SLC39A10: variants seen among roughly 807,000 people sequenced by gnomAD.
SLC39A10 encodes the protein solute carrier family 39 member 10.
In SLC39A10, 13 loss-of-function variants were observed where a neutral mutation model predicts 65.1. The ratio of observed to expected loss-of-function variants is 0.20; its 90% CI spans 0.13 to 0.32. The LOEUF (loss-of-function observed/expected upper bound fraction) is 0.32, where lower values mean the gene tolerates loss of function less well. Ranked by LOEUF, SLC39A10 falls within the 10% of genes least tolerant of loss-of-function variation. The pLI is 1.00. For synonymous variants in SLC39A10, 321 were observed against 342.2 expected (o/e 0.94, Z 0.68); for missense variants, 831 against 1,018.4 (o/e 0.82, Z 2.50).
chr2:195,627,277 C>T (rs568458525), intron 2 of SLC39A10, among the ~76,000 whole-genome samples: 41 of 152,134 alleles, frequency 2.7e-4, no homozygotes, highest in African/African-American at 8.9e-4. Flanking sequence ...ACACCCCCAC[C>T]CCGCGCCCAA....
At chr2:195,631,213 G>T (rs1305442869) in intron 2 of SLC39A10, among the ~76,000 whole-genome samples, 2 of 151,304 alleles carry the variant, frequency 1.3e-5, no homozygotes, top group South Asian at 2.1e-4. Flanking sequence ...TATATATATA[G>T]AGATATATAT....
At chr2:195,630,465 A>C (rs1688564042) in intron 2 of SLC39A10, among the ~76,000 whole-genome samples, 1 of 152,156 alleles carries the variant, frequency 6.6e-6, no homozygotes, top group African/African-American at 2.4e-5. Flanking sequence ...TTGGTTTTTC[A>C]GAGAAGCTTC....
intron 3 of SLC39A10, among the ~76,000 whole-genome samples, chr2:195,693,074 C>G (rs1690804662): frequency 6.6e-6 from 1 of 152,092 alleles, no homozygotes; most frequent in South Asian, 2.1e-4. Context: ...CTGCATCTAT[C>G]AAGATGATCT....
chr2:195,619,114 A>AAAAAAAAGAG (rs1553490931), intron 2 of SLC39A10, among the ~76,000 whole-genome samples: 1 of 131,926 alleles, frequency 7.6e-6, no homozygotes, highest in African/African-American at 3.2e-5. Context: ...AAAAAAAAAA[A>AAAAAAAAGAG]AGAGAGAGAG....
In SLC39A10 at chr2:195,735,259, A is replaced by G; in HGVS notation, c.*218A>G. Reference sequence around the variant, plus strand: ...ATAAAGCTTGTGATAAAGAGAGGAGAATATGGGACTCCATGAACCAGTGTT... The same window carrying G: ...ATAAAGCTTGTGATAAAGAGAGGAGGATATGGGACTCCATGAACCAGTGTT... On this transcript the variant is annotated 3_prime_UTR_variant, in exon 10 of 10. Transcript: ENST00000359634. 2.6e-6 allele frequency: 1 copy of G among 381,828 alleles called. No individual in the cohort carries two copies. Among genetic ancestry groups the G allele is most frequent in the East Asian group, 4.1e-5 (1 of 24,272 alleles). 23.7% of individuals were successfully genotyped at this position (381,828 alleles called of 1,614,324 possible).
chr2:195,696,335 A>AAC (rs1553503250), intron 3 of SLC39A10, among the ~76,000 whole-genome samples: 1 of 137,686 alleles, frequency 7.3e-6, no homozygotes, highest in Non-Finnish European at 1.6e-5. Context: ...AAAAAAAAAA[A>AAC]CCTATCATTA....
At chr2:195,619,344 T>C (rs1688299770) in intron 2 of SLC39A10, among the ~76,000 whole-genome samples, 1 of 152,210 alleles carries the variant, frequency 6.6e-6, no homozygotes, top group Non-Finnish European at 1.5e-5. Flanking sequence ...ATAAAATTGA[T>C]TGACCTTTCT....
At chr2:195,732,477 T>C (rs1692460428) in intron 9 of SLC39A10, among the ~76,000 whole-genome samples, 1 of 152,244 alleles carries the variant, frequency 6.6e-6, no homozygotes, top group Non-Finnish European at 1.5e-5. Flanking sequence ...GCTGTGGTTA[T>C]GACAAACAGT....
At chr2:195,688,837 A>G (rs950051548) in intron 3 of SLC39A10, among the ~76,000 whole-genome samples, 1 of 152,112 alleles carries the variant, frequency 6.6e-6, no homozygotes, top group Non-Finnish European at 1.5e-5. Context: ...ATATTCCGAT[A>G]ATTTTATGTA....
At chr2:195,618,798 G>C (rs1688283349) in intron 2 of SLC39A10, among the ~76,000 whole-genome samples, 1 of 151,956 alleles carries the variant, frequency 6.6e-6, no homozygotes, top group African/African-American at 2.4e-5. Context: ...CATGTGTTAA[G>C]AGAAAGGAAA....
At position 195,626,874 on chromosome 2, in the gene SLC39A10, C is replaced by T. The variant is rs80056845; in HGVS notation, c.-12+20641C>T. On this transcript the variant is annotated intron_variant, in intron 2 of 2. Transcript: ENST00000458054. Reference sequence around the variant, plus strand: ...TAGAGTTCCTCATCTGTATCCCAGGCTTACAGACTGGCTGGCAAGTTTTAT... The same window carrying T: ...TAGAGTTCCTCATCTGTATCCCAGGTTTACAGACTGGCTGGCAAGTTTTAT... Among the ~76,000 whole-genome samples the T allele has an allele frequency of 0.018, 2,815 of 152,260 alleles. 239 individuals are homozygous for T. In the East Asian group the frequency reaches 0.26, roughly 14 times the overall value.
Position 195,680,611 on chromosome 2 carries a change from A to G in SLC39A10, c.569A>G (p.His190Arg), listed in dbSNP as rs756998159. The change falls in exon 2 of 10, where the codon CAT becomes CGT. Residue 190 changes from histidine (H) to arginine (R), a missense_variant. Physicochemically the swap from His to Arg is conservative, Grantham distance 29. Transcript: ENST00000359634. ...HHHRLHHHLD[H>R]NNTHHFHNDS... ...CATCGTTTGCATCATCATCTTGATCATAACAACACTCACCATTTTCATAAT... is the reference window on the plus strand; with the variant it reads ...CATCGTTTGCATCATCATCTTGATCGTAACAACACTCACCATTTTCATAAT... The G allele has an allele frequency of 6.8e-6, 11 of 1,614,088 alleles. No individual in the cohort carries two copies. The African/African-American group carries it at 9.3e-5, about 14-fold the overall frequency.
chr2:195,619,313 T>C lies in SLC39A10; in HGVS notation c.-12+13080T>C, dbSNP rs372984109. On this transcript the variant is annotated intron_variant, in intron 2 of 2. Transcript: ENST00000458054. ...GCAGGACTTGGAAACCAATTAGCTA[T>C]AGGTAGTAAAAGAGAATGTAATAAA... 3.3e-5 allele frequency among the ~76,000 whole-genome samples: 5 copies of C among 152,218 alleles called. No homozygotes were observed. The South Asian group carries it at 8.3e-4, about 25-fold the overall frequency.
Position 195,708,663 on chromosome 2 carries a change from G to T in SLC39A10, c.1394G>T (p.Gly465Val), listed in dbSNP as rs1440422266. The T allele has an allele frequency of 1.3e-6, 2 of 1,592,894 alleles. No homozygotes were observed. Among genetic ancestry groups the T allele is most frequent in the Non-Finnish European group, 1.7e-6 (2 of 1,171,658 alleles). The change falls in exon 5 of 10, where the codon GGT becomes GTT. Residue 465 changes from glycine (G) to valine (V), a missense_variant. By Grantham distance (109) the Gly-to-Val change is moderately radical (BLOSUM62 -3). Coordinates refer to ENST00000359634, the MANE Select transcript of SLC39A10 (RefSeq NM_020342.3). ...ATTTGTTCTTATTAATAGTCTCAGG[G>T]TGGACATGATCACAGTCACCAACAT... is the stretch of plus-strand genomic sequence containing the variant. ...ALLHLLPHSQ[G>V]GHDHSHQHAH... is the part of the protein sequence containing the mutation.
rs542152504 is a variant in SLC39A10, at chr2:195,726,054, TA to T, written c.2147-2099del. On this transcript the variant is annotated intron_variant, in intron 8 of 9. Coordinates refer to ENST00000359634, the MANE Select transcript of SLC39A10 (RefSeq NM_020342.3). ...CCAAATTCATAGAAGTCTACATTTT[TA>T]AAAAATGAAATAGTTGTGTAATTAT... Among the ~76,000 whole-genome samples the T allele has an allele frequency of 2.1e-4, 32 of 152,310 alleles. 1 individual carries two copies. In the South Asian group the frequency reaches 6.4e-3, roughly 31 times the overall value.
At chr2:195,624,176 G>T (rs1202798854) in intron 2 of SLC39A10, among the ~76,000 whole-genome samples, 1 of 150,570 alleles carries the variant, frequency 6.6e-6, no homozygotes, top group African/African-American at 2.4e-5. Flanking sequence ...ACATGAGGTT[G>T]GTAGTTCGAG....
chr2:195,660,126 TTTAA>T (rs1263031402), intron 1 of SLC39A10, among the ~76,000 whole-genome samples: 25 of 152,336 alleles, frequency 1.6e-4, no homozygotes, highest in African/African-American at 5.8e-4. Flanking sequence ...TGTCAAGCTC[TTTAA>T]TTAAGTTTAA....
intron 2 of SLC39A10, among the ~76,000 whole-genome samples, chr2:195,628,194 A>G (rs1298636174): frequency 6.6e-6 from 1 of 152,226 alleles, no homozygotes; most frequent in Admixed American, 6.5e-5. Context: ...TAACACTTGC[A>G]GGGTTGATGA....
intron 2 of SLC39A10, among the ~76,000 whole-genome samples, chr2:195,613,062 C>CTCCCAACAGTAAGTTCAGAACAACT (rs1356954712): frequency 4.6e-5 from 7 of 152,176 alleles, no homozygotes; most frequent in Non-Finnish European, 1.0e-4. Context: ...ACTGAACTTA[C>CTCCCAACAGTAAGTTCAGAACAACT]TCCCAACAGG....
Sources: allele counts gnomAD v4.1 joint callset (sites outside exome capture counted in the v4.1 genomes callset), GRCh38; gene constraint gnomAD v4.1.1; transcripts MANE v1.5; gene names NCBI Gene and HGNC (gene_info 2026-07-23, HGNC 2026-07-21).